The following SDK2 variants were observed in gnomAD, a reference collection of about 807,000 sequenced individuals.
SDK2 encodes protein sidekick-2.
SDK2 carries 105 observed loss-of-function variants against 253.9 expected under a neutral mutation model. The ratio of observed to expected loss-of-function variants is 0.41; its 90% CI spans 0.35 to 0.49. The LOEUF (loss-of-function observed/expected upper bound fraction) is 0.49, where lower values mean the gene tolerates loss of function less well. SDK2 is among the 20% of genes least tolerant of loss of function. SDK2 has a pLI of 0.06. For synonymous variants in SDK2, 1,249 were observed against 1,234.9 expected, an observed-to-expected ratio of 1.01 and a Z score of -0.24; for missense variants, 2,608 against 3,003.0, an observed-to-expected ratio of 0.87 and a Z score of 3.07.
intron 1 of SDK2, among the ~76,000 whole-genome samples, chr17:73,528,292 G>A (rs182643393): frequency 1.3e-5 from 2 of 152,258 alleles, no homozygotes; most frequent in East Asian, 3.9e-4. Context: ...AAGTCTCCCC[G>A]GCTTCTTTTC....
chr17:73,641,852 C>G (rs1207430900), intron 1 of SDK2, among the ~76,000 whole-genome samples: 1 of 152,114 alleles, frequency 6.6e-6, no homozygotes, highest in East Asian at 1.9e-4. Flanking sequence ...AATCCCACCC[C>G]CTCCAACACT....
intron 1 of SDK2, among the ~76,000 whole-genome samples, chr17:73,549,971 C>T (rs577827930): frequency 1.3e-5 from 2 of 152,032 alleles, no homozygotes; most frequent in Non-Finnish European, 2.9e-5. Flanking sequence ...GGGTGAGGAC[C>T]GCCGGGGGTG....
chr17:73,583,811 G>A (rs969169522), intron 1 of SDK2, among the ~76,000 whole-genome samples: 2 of 152,186 alleles, frequency 1.3e-5, no homozygotes, highest in Admixed American at 6.5e-5. Flanking sequence ...AGGGTCCAGG[G>A]GCTGAAATTT....
intron 18 of SDK2, among the ~76,000 whole-genome samples, chr17:73,403,820 T>C (rs2063048700): frequency 6.6e-6 from 1 of 152,248 alleles, no homozygotes; most frequent in East Asian, 1.9e-4. Context: ...GTGTTAAATA[T>C]CCTCCGTATT....
chr17:73,571,572 C>T (rs749192945), intron 1 of SDK2, among the ~76,000 whole-genome samples: 5 of 152,196 alleles, frequency 3.3e-5, no homozygotes, highest in Non-Finnish European at 7.4e-5. Context: ...GCCTAATGAC[C>T]GCAGAAAGCC....
chr17:73,596,619 C>A (rs1170913807), intron 1 of SDK2, among the ~76,000 whole-genome samples: 2 of 152,184 alleles, frequency 1.3e-5, no homozygotes, highest in African/African-American at 4.8e-5. Context: ...GAACCCACAG[C>A]CAACCCCCTT....
At chr17:73,344,947 T>C (rs2062470033) in intron 44 of SDK2, among the ~76,000 whole-genome samples, 1 of 152,210 alleles carries the variant, frequency 6.6e-6, no homozygotes. Flanking sequence ...GCCACCTCCT[T>C]CAGGCAGCCC....
At chr17:73,432,817 T>C (rs2063337765) in intron 10 of SDK2, among the ~76,000 whole-genome samples, 2 of 149,616 alleles carry the variant, frequency 1.3e-5, no homozygotes, top group Non-Finnish European at 3.0e-5. Context: ...TGTGCACATG[T>C]GTATGTACGT....
In SDK2 at chr17:73,481,729, C is replaced by T. The variant is rs537760885; in HGVS notation, c.225-9511G>A. Among the ~76,000 whole-genome samples the T allele has an allele frequency of 2.0e-4, 31 of 152,268 alleles. No individual in the cohort carries two copies. The highest frequency in any genetic ancestry group is 5.8e-4 in the African/African-American group (24 of 41,542). ...ATGCCCATCTTCTCCTGCCCTTGGA[C>T]GCTGGGGCTCCTGGTTCCCGGCCTG... On this transcript the variant is annotated intron_variant, in intron 2 of 44. Transcript: ENST00000392650. The surrounding 1 kb of genome is among the most constrained non-coding windows in gnomAD (Gnocchi z 4.5).
At position 73,609,098 on chromosome 17, in the gene SDK2, C is replaced by T. The variant is rs983691263; in HGVS notation, c.64+34927G>A. Among the ~76,000 whole-genome samples, 1 of 152,126 alleles carries T rather than the reference C, an allele frequency of 6.6e-6. No individual in the cohort carries two copies. Among genetic ancestry groups the T allele is most frequent in the African/African-American group, 2.4e-5 (1 of 41,416 alleles). On this transcript the variant is annotated intron_variant, in intron 1 of 44. Transcript: ENST00000392650. The surrounding 1 kb of genome is among the most constrained non-coding windows in gnomAD (Gnocchi z 4.4). ...TGACCTCAGTAAAGCCTGGGAAGGC[C>T]GCTGGAGGAAAGCCTTTTTGGGGAA...
chr17:73,555,912 C>G (rs1213579874), intron 1 of SDK2, among the ~76,000 whole-genome samples: 1 of 152,150 alleles, frequency 6.6e-6, no homozygotes, highest in East Asian at 1.9e-4. Flanking sequence ...CAGGGGGGAC[C>G]AGGGAGTCAG....
Position 73,403,550 on chromosome 17 carries a change from C to A in SDK2, c.2485-1409G>T, listed in dbSNP as rs1395784134. 7.2e-5 allele frequency among the ~76,000 whole-genome samples: 11 copies of A among 152,054 alleles called. No homozygotes were observed. In the East Asian group the frequency reaches 1.9e-3, roughly 27 times the overall value. ...CATTTATTTGAAGTTGATTAAATAG[C>A]AATTAATGGTGAAAAGCAACACTTG... On this transcript the variant is annotated intron_variant, in intron 18 of 44. Coordinates refer to ENST00000392650, the MANE Select transcript of SDK2 (RefSeq NM_001144952.2).
At chr17:73,438,569 G>A (rs1233998560) in intron 6 of SDK2, among the ~76,000 whole-genome samples, 1 of 152,130 alleles carries the variant, frequency 6.6e-6, no homozygotes, top group Non-Finnish European at 1.5e-5. Flanking sequence ...ATGAAGGTGA[G>A]GGCAAGTGAC....
chr17:73,567,524 C>T (rs1396752747), intron 1 of SDK2, among the ~76,000 whole-genome samples: 1 of 152,232 alleles, frequency 6.6e-6, no homozygotes, highest in Non-Finnish European at 1.5e-5. Flanking sequence ...TACCAGCCTC[C>T]AGACCTCAGC....
intron 1 of SDK2, among the ~76,000 whole-genome samples, chr17:73,641,921 T>G (rs4789238): frequency 0.34 from 51,044 of 151,932 alleles, 8,679 homozygotes; most frequent in South Asian, 0.38. Context: ...AAGGCTTGCC[T>G]CCAGGGACAC....
intron 2 of SDK2, among the ~76,000 whole-genome samples, chr17:73,499,026 G>GTC (rs2063865299): frequency 6.6e-6 from 1 of 152,190 alleles, no homozygotes; most frequent in Non-Finnish European, 1.5e-5. Context: ...ACTGCTGCCC[G>GTC]TAAGAGCTTG....
In SDK2 at chr17:73,368,829, G is replaced by C. The variant is rs137940397; in HGVS notation, c.4981-236C>G. On this transcript the variant is annotated intron_variant, in intron 36 of 44. Coordinates refer to ENST00000392650, the MANE Select transcript of SDK2 (RefSeq NM_001144952.2). ...GTTCAAGACTAGCCTGGCCAACATG[G>C]TGAATCCCCGTTTCTACTGGAAATA... 2.4e-3 allele frequency among the ~76,000 whole-genome samples: 365 copies of C among 152,188 alleles called. 2 individuals are homozygous for C. Among genetic ancestry groups the C allele is most frequent in the African/African-American group, 8.6e-3 (356 of 41,534 alleles).
In SDK2 at chr17:73,599,339, C is replaced by T. The variant is rs56402299; in HGVS notation, c.64+44686G>A. 2.9e-3 allele frequency among the ~76,000 whole-genome samples: 447 copies of T among 152,256 alleles called. 2 individuals are homozygous for T. The highest frequency in any genetic ancestry group is 0.01 in the African/African-American group (421 of 41,540). On this transcript the variant is annotated intron_variant, in intron 1 of 44. Coordinates refer to ENST00000392650, the MANE Select transcript of SDK2 (RefSeq NM_001144952.2). ...TTGAGGTCAGGAGTTCAAGACCAGC[C>T]TGGCCAACATGGCGAAACCCCATCT...
intron 9 of SDK2, 98 bp from the exon 10 acceptor site, chr17:73,433,946 CATCCTCCCCCTGCCAT>C: frequency 9.4e-6 from 7 of 743,808 alleles, no homozygotes; most frequent in South Asian, 1.9e-5. Flanking sequence ...GCCAGGCCCT[CATCCTCCCCCTGCCAT>C]GGTGAGGGGC....
Sources: gnomAD v4.1 joint callset for allele counts (sites outside exome capture counted in the v4.1 genomes callset) on GRCh38, gnomAD v4.1.1 for gene constraint, Gnocchi (gnomAD v3.1) non-coding constraint, MANE v1.5 for transcripts, NCBI Gene and HGNC (gene_info 2026-07-23, HGNC 2026-07-21) for gene names.